PPME1: variants seen among roughly 807,000 people sequenced by gnomAD.
The protein encoded by PPME1 is testicular secretory protein Li 39.
A neutral mutation model predicts 56.9 loss-of-function variants in PPME1; 17 were observed. The observed-to-expected ratio is 0.30, with a 90% CI of 0.20 to 0.45. The LOEUF (loss-of-function observed/expected upper bound fraction) is 0.45. PPME1 is among the 20% of genes least tolerant of loss of function. PPME1 has a pLI of 1.00. For missense variants in PPME1, 357 were observed against 483.2 expected, an observed-to-expected ratio of 0.74 and a Z score of 2.45; for synonymous variants, 122 against 156.2, an observed-to-expected ratio of 0.78 and a Z score of 1.63.
intron 1 of PPME1, among the ~76,000 whole-genome samples, chr11:74,177,220 G>A (rs1857421592): frequency 6.6e-6 from 1 of 152,038 alleles, no homozygotes; most frequent in Non-Finnish European, 1.5e-5. Context: ...CAGCACTTTG[G>A]GAGGCCAAGG....
intron 7 of PPME1, among the ~76,000 whole-genome samples, chr11:74,231,986 C>T (rs1003802594): frequency 6.6e-6 from 1 of 152,176 alleles, no homozygotes; most frequent in Non-Finnish European, 1.5e-5. Flanking sequence ...AAAACACTGT[C>T]CCTTCCCACA....
chr11:74,200,277 T>A (rs1224285992), intron 1 of PPME1, among the ~76,000 whole-genome samples: 3 of 152,210 alleles, frequency 2.0e-5, no homozygotes, highest in African/African-American at 7.2e-5. Context: ...TAATGTAAGA[T>A]TCTTGCCACT....
chr11:74,236,534 T>C (rs1421863825), intron 8 of PPME1, among the ~76,000 whole-genome samples: 1 of 152,236 alleles, frequency 6.6e-6, no homozygotes, highest in Non-Finnish European at 1.5e-5. Context: ...AAAATGATAA[T>C]GGCTTTGAGT....
intron 1 of PPME1, among the ~76,000 whole-genome samples, chr11:74,182,291 A>G (rs969222966): frequency 3.3e-5 from 5 of 152,092 alleles, no homozygotes; most frequent in Admixed American, 1.3e-4. Flanking sequence ...AAATTGGAAA[A>G]CTGTCTAATG....
chr11:74,173,634 C>T (rs928671321), intron 1 of PPME1, among the ~76,000 whole-genome samples: 1 of 152,130 alleles, frequency 6.6e-6, no homozygotes, highest in Non-Finnish European at 1.5e-5. Context: ...TTCCACCTCC[C>T]GGGCTCAAGT....
chr11:74,247,413 A>G (rs1236879704), intron 11 of PPME1: 16 of 366,016 alleles, frequency 4.4e-5, no homozygotes, highest in Non-Finnish European at 9.8e-6. Flanking sequence ...TAAAAATTAT[A>G]AAGTACTGTA....
At chr11:74,224,757 G>A (rs976821560) in intron 4 of PPME1, among the ~76,000 whole-genome samples, 13 of 150,560 alleles carry the variant, frequency 8.6e-5, no homozygotes, top group Admixed American at 3.3e-4. Context: ...TCTGTTATTG[G>A]TGTATAAGAA....
At chr11:74,217,752 A>C (rs1858693341) in intron 3 of PPME1, among the ~76,000 whole-genome samples, 1 of 151,912 alleles carries the variant, frequency 6.6e-6, no homozygotes, top group African/African-American at 2.4e-5. Flanking sequence ...AAAAAAAAAA[A>C]CTTAAACTGA....
At chr11:74,253,385 C>T in intron 13 of PPME1, 107 bp from the exon 14 acceptor site, 1 of 1,169,742 alleles carries the variant, frequency 8.5e-7, no homozygotes, top group South Asian at 1.3e-5. Flanking sequence ...TCAGATTTGC[C>T]AGGGCCTTGG....
intron 11 of PPME1, chr11:74,250,257 T>A (rs1021880926): frequency 6.6e-6 from 1 of 152,160 alleles, no homozygotes; most frequent in Non-Finnish European, 1.5e-5. Flanking sequence ...TCCTTAGGGA[T>A]CTTCTTTATC....
At chr11:74,214,616 T>C (rs1167736936) in intron 3 of PPME1, among the ~76,000 whole-genome samples, 1 of 151,744 alleles carries the variant, frequency 6.6e-6, no homozygotes, top group Non-Finnish European at 1.5e-5. Flanking sequence ...CCAGTACATC[T>C]GGAAGCAGAC....
rs575581760 is a variant in PPME1, at chr11:74,236,133, C to A, written c.710+167C>A. The A allele has an allele frequency of 2.4e-5, 28 of 1,143,526 alleles. 2 individuals carry two copies. The South Asian group carries it at 4.6e-4, about 19-fold the overall frequency. The allele number at this position is 1,143,526 out of a possible 1,614,324, so 70.8% of individuals were successfully genotyped here. On this transcript the variant is annotated intron_variant, in intron 8 of 13. Transcript: ENST00000328257. ...GTTGGGACAGACATAGATTTTCTTTCGCCTGCCTTCCTTTCTCTCCTTCCT... is the reference window on the plus strand; with the variant it reads ...GTTGGGACAGACATAGATTTTCTTTAGCCTGCCTTCCTTTCTCTCCTTCCT...
chr11:74,251,328 T>G, intron 12 of PPME1: 1 of 1,360,684 alleles, frequency 7.3e-7, no homozygotes, highest in Non-Finnish European at 9.5e-7. Context: ...GGGTAGAAAC[T>G]GCTCCCTAAA....
At chr11:74,239,499 GTTC>G (rs985770670) in intron 9 of PPME1, among the ~76,000 whole-genome samples, 2 of 150,406 alleles carry the variant, frequency 1.3e-5, no homozygotes, top group African/African-American at 4.9e-5. Context: ...TTTCTCACCT[GTTC>G]TTCTGTTCCT....
intron 3 of PPME1, among the ~76,000 whole-genome samples, chr11:74,221,267 G>GT (rs1229263567): frequency 6.6e-6 from 1 of 152,008 alleles, no homozygotes; most frequent in African/African-American, 2.4e-5. Flanking sequence ...ATAGGGATTT[G>GT]TTTTTGTCAT....
chr11:74,251,259 G>T, intron 12 of PPME1: 1 of 1,376,454 alleles, frequency 7.3e-7, no homozygotes, highest in Non-Finnish European at 9.4e-7. Flanking sequence ...CTGTGGTTAA[G>T]ATCTTAAGCT....
At chr11:74,220,704 A>G (rs1011162905) in intron 3 of PPME1, among the ~76,000 whole-genome samples, 2 of 152,226 alleles carry the variant, frequency 1.3e-5, no homozygotes, top group Non-Finnish European at 2.9e-5. Flanking sequence ...TTTAGTAGAC[A>G]TTAGCTCCTA....
At chr11:74,177,762 C>CT (rs1857437142) in intron 1 of PPME1, among the ~76,000 whole-genome samples, 2 of 151,970 alleles carry the variant, frequency 1.3e-5, no homozygotes, top group Non-Finnish European at 2.9e-5. Flanking sequence ...TTAGAATAAA[C>CT]GTTTTTATGA....
rs534267884 is a variant in PPME1, at chr11:74,182,104, T to C, written c.101+10582T>C. Among the ~76,000 whole-genome samples, 4 of 152,306 alleles carry C rather than the reference T, an allele frequency of 2.6e-5. No homozygotes were observed. In the South Asian group the frequency reaches 8.3e-4, roughly 32 times the overall value. ...TTAGTTCTATACTTCTACTGTCTTG[T>C]AGTAGAAGGAAGGTAGGTTTTAAAA... On this transcript the variant is annotated intron_variant, in intron 1 of 13. Coordinates refer to ENST00000328257, the MANE Select transcript of PPME1 (RefSeq NM_016147.3).
Sources: allele counts gnomAD v4.1 joint callset (sites outside exome capture counted in the v4.1 genomes callset), GRCh38; gene constraint gnomAD v4.1.1; transcripts MANE v1.5; gene names NCBI Gene and HGNC (gene_info 2026-07-23, HGNC 2026-07-21).